Variants in IPMK observed in about 807,000 individuals in gnomAD.
The protein encoded by IPMK is inositol polyphosphate multikinase.
IPMK carries 17 observed loss-of-function variants against 45.8 expected under a neutral mutation model. That is an observed-to-expected ratio of 0.37 (90% CI 0.25 to 0.56). The LOEUF (loss-of-function observed/expected upper bound fraction) is 0.56, where lower values mean the gene tolerates loss of function less well. Among genes scored for constraint, IPMK ranks in the 20% least tolerant of loss-of-function variants. The probability of loss-of-function intolerance (pLI) is 0.79; values close to 1 mark genes in which losing one functional copy is unlikely to be tolerated. For missense variants in IPMK, 399 were observed against 498.0 expected (o/e 0.80, Z 1.89); for synonymous variants, 180 against 184.3 (o/e 0.98, Z 0.19).
rs754772321 is a variant in IPMK, at chr10:58,192,722, C to G, written c.*3354G>C. The G allele has an allele frequency of 6.6e-6, 1 of 151,934 alleles. No individual in the cohort carries two copies. The highest frequency in any genetic ancestry group is 1.9e-4 in the East Asian group (1 of 5,196). The allele number at this position is 151,934 out of a possible 1,614,324, so 9.4% of individuals were successfully genotyped here. ...GAATATTTTTGAATGAACTAAGAAG[C>G]CTGGCCTCCAAAGGCAACCCTACTT... On this transcript the variant is annotated 3_prime_UTR_variant, in exon 6 of 6. Coordinates refer to ENST00000373935, the MANE Select transcript of IPMK (RefSeq NM_152230.5).
chr10:58,260,934 T>C (rs1839055378), intron 1 of IPMK, among the ~76,000 whole-genome samples: 1 of 152,082 alleles, frequency 6.6e-6, no homozygotes, highest in Admixed American at 6.5e-5. Flanking sequence ...AATCTGTATG[T>C]AAATGCAAAG....
At chr10:58,244,029 T>A (rs1327103910) in intron 1 of IPMK, among the ~76,000 whole-genome samples, 2 of 149,440 alleles carry the variant, frequency 1.3e-5, no homozygotes, top group Non-Finnish European at 3.0e-5. Context: ...CTGCCCCGCC[T>A]GGGAAGTGAG....
chr10:58,217,616 A>G (rs1263981600), intron 3 of IPMK, among the ~76,000 whole-genome samples: 1 of 137,770 alleles, frequency 7.3e-6, no homozygotes, highest in African/African-American at 2.8e-5. Context: ...TGAACCTGGG[A>G]GGCAGAGGTT....
intron 3 of IPMK, among the ~76,000 whole-genome samples, chr10:58,225,857 T>C (rs890798495): frequency 2.0e-5 from 3 of 152,082 alleles, no homozygotes; most frequent in Non-Finnish European, 2.9e-5. Flanking sequence ...AGGCATTAAA[T>C]GGGTTTGCGA....
At chr10:58,236,077 T>C (rs1838608183) in intron 2 of IPMK, among the ~76,000 whole-genome samples, 1 of 150,686 alleles carries the variant, frequency 6.6e-6, no homozygotes, top group African/African-American at 2.5e-5. Flanking sequence ...TACAGATACG[T>C]GCCACCCACA....
At chr10:58,232,774 G>C (rs1483050044) in intron 2 of IPMK, among the ~76,000 whole-genome samples, 2 of 152,142 alleles carry the variant, frequency 1.3e-5, no homozygotes, top group Non-Finnish European at 2.9e-5. Flanking sequence ...AAAAGAACTA[G>C]AGAAGCAAGA....
At chr10:58,231,743 T>C (rs1413128444) in intron 2 of IPMK, among the ~76,000 whole-genome samples, 5 of 152,248 alleles carry the variant, frequency 3.3e-5, no homozygotes, top group Non-Finnish European at 5.9e-5. Context: ...GTATGGACCA[T>C]CGATGCTATG....
At chr10:58,249,988 T>C (rs2132173690) in intron 1 of IPMK, among the ~76,000 whole-genome samples, 1 of 152,324 alleles carries the variant, frequency 6.6e-6, no homozygotes, top group African/African-American at 2.4e-5. Context: ...CAAAAATCAG[T>C]TGGCTGGAAA....
intron 1 of IPMK, among the ~76,000 whole-genome samples, chr10:58,243,996 AG>A (rs1838745415): frequency 7.1e-6 from 1 of 141,540 alleles, no homozygotes; most frequent in African/African-American, 2.6e-5. Context: ...CCCGTCTGGG[AG>A]GGGAAGGGCG....
chr10:58,227,396 T>C (rs527701750), intron 2 of IPMK, among the ~76,000 whole-genome samples: 115 of 152,308 alleles, frequency 7.6e-4, no homozygotes, highest in African/African-American at 2.7e-3. Flanking sequence ...TAGATACTGA[T>C]AGCAAATGCA....
chr10:58,227,079 A>G lies in IPMK; in HGVS notation c.337T>C (p.Tyr113His). The G allele has an allele frequency of 1.9e-6, 3 of 1,613,296 alleles. No individual in the cohort carries two copies. Among genetic ancestry groups the G allele is most frequent in the Non-Finnish European group, 2.5e-6 (3 of 1,179,522 alleles). ...LLELRKYLPKYYGIWSPPTAP... is the reference protein window; with the variant it reads ...LLELRKYLPKHYGIWSPPTAP... ...GTGGGAGGTGACCAGATGCCATAAT[A>G]TTTTGGCAAATATTTTCGTAGCTCT... The change falls in exon 3 of 6, where the codon TAT becomes CAT. Residue 113 changes from tyrosine (Y) to histidine (H), a missense_variant. Coordinates refer to ENST00000373935, the MANE Select transcript of IPMK (RefSeq NM_152230.5).
At chr10:58,251,512 C>T (rs1325561802) in intron 1 of IPMK, among the ~76,000 whole-genome samples, 1 of 152,052 alleles carries the variant, frequency 6.6e-6, no homozygotes, top group Non-Finnish European at 1.5e-5. Context: ...GGCTTACAGT[C>T]CAATTTAACT....
At chr10:58,263,754 C>A (rs1839109006) in intron 1 of IPMK, among the ~76,000 whole-genome samples, 1 of 152,196 alleles carries the variant, frequency 6.6e-6, no homozygotes, top group African/African-American at 2.4e-5. Context: ...CAGAAATAAT[C>A]CACTACCAAA....
intron 4 of IPMK, among the ~76,000 whole-genome samples, chr10:58,215,775 T>C (rs913031817): frequency 2.6e-5 from 4 of 152,130 alleles, no homozygotes; most frequent in African/African-American, 7.2e-5. Context: ...TGAATATATA[T>C]ATTTAGCACT....
At chr10:58,219,791 C>G (rs1170435753) in intron 3 of IPMK, among the ~76,000 whole-genome samples, 1 of 152,182 alleles carries the variant, frequency 6.6e-6, no homozygotes, top group Non-Finnish European at 1.5e-5. Context: ...CTGGGTTGGT[C>G]TGTCTTATAA....
chr10:58,263,248 C>CA (rs1839100833), intron 1 of IPMK, among the ~76,000 whole-genome samples: 1 of 151,362 alleles, frequency 6.6e-6, no homozygotes, highest in African/African-American at 2.4e-5. Context: ...TAGCCTGGCC[C>CA]AGCAGTGGTT....
At chr10:58,206,304 G>C (rs1838070673) in intron 4 of IPMK, among the ~76,000 whole-genome samples, 1 of 152,164 alleles carries the variant, frequency 6.6e-6, no homozygotes. Context: ...AGGGAGTTTG[G>C]AAGGAAATTG....
chr10:58,265,186 T>C (rs890428313), intron 1 of IPMK, among the ~76,000 whole-genome samples: 7 of 152,206 alleles, frequency 4.6e-5, no homozygotes, highest in African/African-American at 1.7e-4. Context: ...TATTTTTCTG[T>C]TCAAGCACCT....
At chr10:58,217,708 A>AAAAAAC in intron 3 of IPMK, among the ~76,000 whole-genome samples, 1 of 151,176 alleles carries the variant, frequency 6.6e-6, no homozygotes, top group Non-Finnish European at 1.5e-5. Flanking sequence ...AAAAAAAAAA[A>AAAAAAC]AGAATCATCT....
Sources: allele counts gnomAD v4.1 joint callset (sites outside exome capture counted in the v4.1 genomes callset), GRCh38; gene constraint gnomAD v4.1.1; transcripts MANE v1.5; gene names NCBI Gene and HGNC (gene_info 2026-07-23, HGNC 2026-07-21).